Variants in ERI3 observed in about 807,000 individuals in gnomAD.
ERI3 encodes ERI1 exoribonuclease 3.
In ERI3, 18 loss-of-function variants were observed where a neutral mutation model predicts 44.4. The observed-to-expected ratio is 0.41, with a 90% CI of 0.28 to 0.60. The LOEUF (loss-of-function observed/expected upper bound fraction) is 0.60. Among genes scored for constraint, ERI3 ranks in the 20% least tolerant of loss-of-function variants. The pLI, the probability that ERI3 is intolerant of heterozygous loss-of-function variation, is 0.36. For missense variants in ERI3, 294 were observed against 435.5 expected (o/e 0.68, Z 2.89); for synonymous variants, 183 against 164.8 (o/e 1.11, Z -0.84).
chr1:44,287,492 G>A (rs1412420300), intron 6 of ERI3, among the ~76,000 whole-genome samples: 1 of 152,246 alleles, frequency 6.6e-6, no homozygotes, highest in African/African-American at 2.4e-5. Flanking sequence ...TATCTCACCT[G>A]AATAAGAGGC....
intron 5 of ERI3, among the ~76,000 whole-genome samples, chr1:44,309,321 C>T (rs1278140194): frequency 6.6e-6 from 1 of 151,518 alleles, no homozygotes; most frequent in African/African-American, 2.4e-5. Flanking sequence ...ATGGAAAAAC[C>T]CTATCCATAC....
chr1:44,227,105 T>G lies in ERI3; in HGVS notation c.932-5465A>C, dbSNP rs142178850. On this transcript the variant is annotated intron_variant, in intron 8 of 8. Transcript: ENST00000372257. ...CAAACTGGGGGAACAGGAGGGACAG[T>G]AGGGTGGCAAGCTGCTGATCTTATG... Among the ~76,000 whole-genome samples the G allele has an allele frequency of 1.7e-4, 26 of 152,202 alleles. 1 individual carries two copies. Among genetic ancestry groups the G allele is most frequent in the Middle Eastern group, 3.4e-3 (1 of 294 alleles).
At chr1:44,281,601 A>AAATATATATAT (rs1460400186) in intron 7 of ERI3, among the ~76,000 whole-genome samples, 8 of 128,024 alleles carry the variant, frequency 6.2e-5, no homozygotes, top group South Asian at 2.4e-4. Flanking sequence ...AAAAAAAAAA[A>AAATATATATAT]ATATATATAT....
At chr1:44,285,436 T>G (rs1008190105) in intron 6 of ERI3, among the ~76,000 whole-genome samples, 25 of 152,292 alleles carry the variant, frequency 1.6e-4, no homozygotes, top group African/African-American at 6.0e-4. Flanking sequence ...AGGCAGAGTA[T>G]ATGACTTAGA....
At chr1:44,339,450 C>T in intron 2 of ERI3, 128 bp from the exon 3 acceptor site, 1 of 954,890 alleles carries the variant, frequency 1.0e-6, no homozygotes, top group Non-Finnish European at 1.5e-6. Flanking sequence ...AATATCCACG[C>T]AACATGGGCC....
At position 44,252,647 on chromosome 1, in the gene ERI3, G is replaced by A. The variant is rs1291706005; in HGVS notation, c.832-4609C>T. Among the ~76,000 whole-genome samples, 1 of 152,224 alleles carries A rather than the reference G, an allele frequency of 6.6e-6. No homozygotes were observed. Among genetic ancestry groups the A allele is most frequent in the Non-Finnish European group, 1.5e-5 (1 of 68,032 alleles). Reference sequence around the variant, plus strand: ...GCGCCCGGCGGCTTATGGGGGCTTAGCAGCTGCGACAAGTGTATTGGGTTT... The same window carrying A: ...GCGCCCGGCGGCTTATGGGGGCTTAACAGCTGCGACAAGTGTATTGGGTTT... On this transcript the variant is annotated intron_variant, in intron 7 of 8. Coordinates refer to ENST00000372257, the MANE Select transcript of ERI3 (RefSeq NM_024066.3). This position sits in a 1 kb window ranked among gnomAD's most constrained non-coding sequence, Gnocchi z 4.7.
At chr1:44,350,809 G>C (rs1351206780) in intron 2 of ERI3, among the ~76,000 whole-genome samples, 1 of 150,674 alleles carries the variant, frequency 6.6e-6, no homozygotes, top group African/African-American at 2.4e-5. Context: ...TCTTGACCAG[G>C]TTGGTCCCAA....
chr1:44,285,677 C>A (rs1214985866), intron 6 of ERI3, among the ~76,000 whole-genome samples: 1 of 152,100 alleles, frequency 6.6e-6, no homozygotes, highest in African/African-American at 2.4e-5. Context: ...TAACAAGGGT[C>A]AGGAACTTAC....
intron 2 of ERI3, among the ~76,000 whole-genome samples, chr1:44,343,968 G>A (rs1646734977): frequency 6.6e-6 from 1 of 152,048 alleles, no homozygotes; most frequent in Non-Finnish European, 1.5e-5. Flanking sequence ...GCTGGGTGGG[G>A]TGGCTCACAT....
At chr1:44,318,944 G>C (rs1355063677) in intron 4 of ERI3, among the ~76,000 whole-genome samples, 1 of 152,226 alleles carries the variant, frequency 6.6e-6, no homozygotes, top group Non-Finnish European at 1.5e-5. Flanking sequence ...ACAGTTCTGG[G>C]AGTTAGAACT....
intron 6 of ERI3, among the ~76,000 whole-genome samples, chr1:44,286,367 A>G (rs1230680789): frequency 6.6e-6 from 1 of 152,172 alleles, no homozygotes; most frequent in Non-Finnish European, 1.5e-5. Context: ...TGAGGTGCCT[A>G]GTTTGAGGCA....
intron 3 of ERI3, among the ~76,000 whole-genome samples, chr1:44,326,532 C>T (rs995245407): frequency 4.6e-5 from 7 of 152,236 alleles, no homozygotes; most frequent in Admixed American, 3.3e-4. Flanking sequence ...TTGCCAAGCC[C>T]TGGCTGGCTG....
intron 6 of ERI3, among the ~76,000 whole-genome samples, chr1:44,287,615 C>T (rs1030733224): frequency 1.3e-5 from 2 of 152,124 alleles, no homozygotes; most frequent in Non-Finnish European, 2.9e-5. Flanking sequence ...TAGATGTGCC[C>T]ATGTGGGATG....
At chr1:44,334,424 G>A (rs894735617) in intron 3 of ERI3, among the ~76,000 whole-genome samples, 1 of 152,152 alleles carries the variant, frequency 6.6e-6, no homozygotes, top group African/African-American at 2.4e-5. Context: ...ATGAACTCCT[G>A]CTAGCGAGGA....
intron 7 of ERI3, among the ~76,000 whole-genome samples, chr1:44,266,309 A>G (rs1164281460): frequency 6.6e-6 from 1 of 152,242 alleles, no homozygotes; most frequent in Non-Finnish European, 1.5e-5. Context: ...CTTCCTAGCC[A>G]AATGGAATAA....
Position 44,354,997 on chromosome 1 carries a change from C to G in ERI3, c.30G>C (p.Gly10=), listed in dbSNP as rs752921341. ...CTCCTTCCCAGGGCCGCCCCCGCCC[C>G]CCGTCAGCAGCGGGAGAGGCTGTCG... MATASPAAD[G]GRGRPWEGGL... The change falls in exon 1 of 9, where the codon GGG becomes GGC. Residue 10 remains glycine, a synonymous_variant. Coordinates refer to ENST00000372257, the MANE Select transcript of ERI3 (RefSeq NM_024066.3). 1 of 1,379,636 alleles carries G rather than the reference C, an allele frequency of 7.2e-7. No homozygotes were observed. The highest frequency in any genetic ancestry group is 1.5e-5 in the African/African-American group (1 of 66,960). The allele number at this position is 1,379,636 out of a possible 1,614,324, so 85.5% of individuals were successfully genotyped here.
intron 7 of ERI3, chr1:44,257,046 A>G (rs1644795336): frequency 6.6e-6 from 1 of 151,690 alleles, no homozygotes; most frequent in African/African-American, 2.4e-5. Context: ...TTTCATTACA[A>G]TTTCCTCTCC....
intron 7 of ERI3, among the ~76,000 whole-genome samples, chr1:44,277,735 C>T (rs78615224): frequency 0.012 from 1,851 of 152,346 alleles, 72 homozygotes; most frequent in East Asian, 0.068. Flanking sequence ...TACTCTCTGT[C>T]TCTTCAGCAT....
chr1:44,328,649 T>C (rs564427039), intron 3 of ERI3, among the ~76,000 whole-genome samples: 3 of 152,298 alleles, frequency 2.0e-5, no homozygotes, highest in Admixed American at 2.0e-4. Context: ...CGGCATGACA[T>C]TCTGCATTTC....
Sources: gnomAD v4.1 joint callset for allele counts (sites outside exome capture counted in the v4.1 genomes callset) on GRCh38, gnomAD v4.1.1 for gene constraint, Gnocchi (gnomAD v3.1) non-coding constraint, MANE v1.5 for transcripts, NCBI Gene and HGNC (gene_info 2026-07-23, HGNC 2026-07-21) for gene names.